GRID2: variants seen among roughly 807,000 people sequenced by gnomAD.
The protein encoded by GRID2 is glutamate ionotropic receptor delta type subunit 2.
GRID2 carries 33 observed loss-of-function variants against 114.8 expected under a neutral mutation model. The ratio of observed to expected loss-of-function variants is 0.29; its 90% CI spans 0.22 to 0.38. The LOEUF is 0.38. GRID2 is among the 10% of genes least tolerant of loss of function. GRID2 has a pLI of 1.00. For synonymous variants in GRID2, 505 were observed against 449.9 expected (o/e 1.12, Z -1.55); for missense variants, 1,184 against 1,257.7 (o/e 0.94, Z 0.89).
intron 8 of GRID2, among the ~76,000 whole-genome samples, chr4:93,362,788 G>A (rs1033852219): frequency 1.8e-4 from 27 of 152,210 alleles, no homozygotes; most frequent in African/African-American, 6.5e-4. Flanking sequence ...CAAGTTGGGT[G>A]GAAATTGCCT....
chr4:93,130,293 T>A (rs1011352056), intron 4 of GRID2, among the ~76,000 whole-genome samples: 1 of 151,972 alleles, frequency 6.6e-6, no homozygotes, highest in African/African-American at 2.4e-5. Flanking sequence ...TTTTAAAAAT[T>A]AGCCAGTTGT....
intron 4 of GRID2, among the ~76,000 whole-genome samples, chr4:93,137,851 T>G (rs1735403382): frequency 6.6e-6 from 1 of 152,106 alleles, no homozygotes; most frequent in African/African-American, 2.4e-5. Flanking sequence ...AAACACAAAT[T>G]TATTATAATT....
intron 1 of GRID2, among the ~76,000 whole-genome samples, chr4:93,781,009 A>G (rs1478538349): frequency 6.6e-6 from 1 of 152,224 alleles, no homozygotes; most frequent in Non-Finnish European, 1.5e-5. Flanking sequence ...AGGTTAACTG[A>G]ATATAGAGTG....
Position 93,758,255 on chromosome 4 carries a change from A to T in GRID2, c.2361-10955A>T, listed in dbSNP as rs571910988. On this transcript the variant is annotated intron_variant, in intron 14 of 15. Coordinates refer to ENST00000282020, the MANE Select transcript of GRID2 (RefSeq NM_001510.4). Reference sequence around the variant, plus strand: ...ACTTCCCATCTATGAAAATGTGGGTAAAACAGTAATGTTATTTTCCCACAG... The same window carrying T: ...ACTTCCCATCTATGAAAATGTGGGTTAAACAGTAATGTTATTTTCCCACAG... Among the ~76,000 whole-genome samples the T allele has an allele frequency of 6.3e-4, 96 of 152,350 alleles. 3 individuals carry two copies. In the South Asian group the frequency reaches 0.018, roughly 29 times the overall value.
At chr4:93,224,581 G>A (rs746058310) in intron 6 of GRID2, 33 bp from the exon 7 acceptor site, 3 of 1,448,954 alleles carry the variant, frequency 2.1e-6, no homozygotes, top group East Asian at 2.3e-5. Flanking sequence ...TGGTGTCAAT[G>A]ATTCTAATGA....
At chr4:93,145,926 T>C (rs970524098) in intron 4 of GRID2, among the ~76,000 whole-genome samples, 3 of 152,024 alleles carry the variant, frequency 2.0e-5, no homozygotes, top group African/African-American at 7.2e-5. Flanking sequence ...CATGCAGTTA[T>C]GTAATTATAT....
At chr4:92,442,280 G>T (rs1282304153) in intron 1 of GRID2, among the ~76,000 whole-genome samples, 1 of 152,010 alleles carries the variant, frequency 6.6e-6, no homozygotes, top group East Asian at 1.9e-4. Flanking sequence ...CCTTGCGCCA[G>T]AGTTCCAGGG....
intron 4 of GRID2, chr4:93,203,872 C>A (rs1321053057): frequency 6.6e-6 from 1 of 152,162 alleles, no homozygotes; most frequent in Non-Finnish European, 1.5e-5. Flanking sequence ...GACACAAGCA[C>A]ATGGGAGGTT....
intron 2 of GRID2, among the ~76,000 whole-genome samples, chr4:92,933,148 A>C (rs1047862026): frequency 6.6e-6 from 1 of 150,410 alleles, no homozygotes. Flanking sequence ...AATTTTATAC[A>C]TTATATATAT....
At chr4:92,656,477 A>G (rs999030979) in intron 2 of GRID2, among the ~76,000 whole-genome samples, 1 of 151,820 alleles carries the variant, frequency 6.6e-6, no homozygotes, top group South Asian at 2.1e-4. Context: ...AAAATTAAAA[A>G]AAAAAACACT....
chr4:92,859,907 T>C (rs1744414405), intron 2 of GRID2, among the ~76,000 whole-genome samples: 1 of 152,118 alleles, frequency 6.6e-6, no homozygotes, highest in African/African-American at 2.4e-5. Flanking sequence ...ATTTCTGGCT[T>C]CTGTCCAGTA....
chr4:92,934,628 C>T (rs1393580449), intron 2 of GRID2, among the ~76,000 whole-genome samples: 1 of 146,522 alleles, frequency 6.8e-6, no homozygotes, highest in African/African-American at 2.4e-5. Flanking sequence ...TGCTACCTGA[C>T]TTCAAACTAT....
At chr4:92,918,025 A>C (rs999952067) in intron 2 of GRID2, among the ~76,000 whole-genome samples, 12 of 151,962 alleles carry the variant, frequency 7.9e-5, no homozygotes, top group African/African-American at 2.7e-4. Context: ...CTTTTATTTC[A>C]TTGAGCACTG....
intron 12 of GRID2, among the ~76,000 whole-genome samples, chr4:93,498,101 T>G (rs905017429): frequency 2.6e-5 from 4 of 151,856 alleles, no homozygotes; most frequent in African/African-American, 9.7e-5. Flanking sequence ...GGTATCTCGA[T>G]CCATTTGTGC....
intron 13 of GRID2, among the ~76,000 whole-genome samples, chr4:93,618,148 A>G (rs1197007521): frequency 1.3e-5 from 2 of 152,176 alleles, no homozygotes; most frequent in East Asian, 3.9e-4. Flanking sequence ...ATTTCCGTCA[A>G]TTCATCTATT....
intron 13 of GRID2, among the ~76,000 whole-genome samples, chr4:93,571,852 G>C (rs1027286605): frequency 6.6e-6 from 1 of 152,068 alleles, no homozygotes; most frequent in African/African-American, 2.4e-5. Context: ...CAGAACCGAA[G>C]TTTCAGAAAC....
At chr4:92,617,262 G>T (rs574620811) in intron 2 of GRID2, among the ~76,000 whole-genome samples, 1 of 150,856 alleles carries the variant, frequency 6.6e-6, no homozygotes, top group Non-Finnish European at 1.5e-5. Context: ...GATTGTGCAG[G>T]TTTGTTACAT....
intron 2 of GRID2, among the ~76,000 whole-genome samples, chr4:92,968,236 C>A (rs1203903671): frequency 6.6e-6 from 1 of 151,852 alleles, no homozygotes; most frequent in African/African-American, 2.4e-5. Context: ...AAGGTAGATA[C>A]AATCTCCATT....
At chr4:92,693,942 A>C (rs1435860901) in intron 2 of GRID2, among the ~76,000 whole-genome samples, 3 of 152,170 alleles carry the variant, frequency 2.0e-5, no homozygotes, top group Non-Finnish European at 4.4e-5. Context: ...TGTGATAATA[A>C]CCAGAATTTA....
Sources: allele counts gnomAD v4.1 joint callset (sites outside exome capture counted in the v4.1 genomes callset), GRCh38; gene constraint gnomAD v4.1.1; transcripts MANE v1.5; gene names NCBI Gene and HGNC (gene_info 2026-07-23, HGNC 2026-07-21).